Variants in GNB5 observed in about 807,000 individuals in gnomAD.
GNB5 encodes the protein G protein subunit beta 5.
GNB5 carries 37 observed loss-of-function variants against 55.3 expected under a neutral mutation model. That is an observed-to-expected ratio of 0.67 (90% CI 0.51 to 0.88). GNB5 has a LOEUF of 0.88. Among genes scored for constraint, GNB5 ranks in the 40% least tolerant of loss-of-function variants. The pLI is 0.00. For synonymous variants in GNB5, 219 were observed against 198.5 expected, an observed-to-expected ratio of 1.10 and a Z score of -0.87; for missense variants, 476 against 515.3, an observed-to-expected ratio of 0.92 and a Z score of 0.74.
intron 9 of GNB5, chr15:52,128,510 T>C: frequency 1.6e-6 from 1 of 618,280 alleles, no homozygotes; most frequent in South Asian, 1.8e-5. Context: ...CCCCTATAAA[T>C]ATAGTTTCCC....
rs118111567 is a variant in GNB5 at position 52,124,207 on chromosome 15, G to A, written c.1176+266C>T. Reference sequence around the variant, plus strand: ...CTTTTAGGGTCAAAAGGAACTTTCTGGATGATCAAGCCTAACTATTCCCTC... The same window carrying A: ...CTTTTAGGGTCAAAAGGAACTTTCTAGATGATCAAGCCTAACTATTCCCTC... On this transcript the variant is annotated intron_variant, in intron 12 of 12. Transcript: ENST00000261837. Among the ~76,000 whole-genome samples, 313 of 152,224 alleles carry A rather than the reference G, an allele frequency of 2.1e-3. 9 individuals are homozygous for A. The highest frequency in any genetic ancestry group is 0.014 in the East Asian group (75 of 5,176).
Position 52,126,027 on chromosome 15 carries a change from C to T in GNB5, c.930G>A (p.Leu310=), listed in dbSNP as rs761702406. ...SDDATCRLYD[L]RADREVAIYS... Reference sequence around the variant, plus strand: ...AGATGGCAACCTCCCTATCTGCCCGCAGGTCATAGAGGCGACACTGGGGAG... The same window carrying T: ...AGATGGCAACCTCCCTATCTGCCCGTAGGTCATAGAGGCGACACTGGGGAG... Residue 310 remains leucine (L), a synonymous_variant, in exon 11 of 13, where the codon CTG becomes CTA. Coordinates refer to ENST00000261837, the MANE Select transcript of GNB5 (RefSeq NM_016194.4). 6.3e-7 allele frequency: 1 copy of T among 1,575,440 alleles called. No homozygotes were observed. The highest frequency in any genetic ancestry group is 8.7e-7 in the Non-Finnish European group (1 of 1,147,740).
chr15:52,183,840 G>A (rs951446083), intron 2 of GNB5, among the ~76,000 whole-genome samples: 2 of 152,190 alleles, frequency 1.3e-5, no homozygotes, highest in African/African-American at 4.8e-5. Context: ...GATGCTGTGG[G>A]CATTTTTGCT....
chr15:52,173,557 T>C (rs1361569099), intron 3 of GNB5, among the ~76,000 whole-genome samples: 1 of 152,174 alleles, frequency 6.6e-6, no homozygotes, highest in African/African-American at 2.4e-5. Flanking sequence ...AGATGGCCAG[T>C]GTGACTGGCG....
intron 9 of GNB5, chr15:52,128,851 T>C (rs773986013): frequency 1.7e-5 from 7 of 421,608 alleles, no homozygotes; most frequent in Non-Finnish European, 2.9e-5. Context: ...GTGAGAAATA[T>C]GGGCCCTAAA....
chr15:52,171,980 T>TC (rs760061077), intron 3 of GNB5, among the ~76,000 whole-genome samples: 36 of 152,312 alleles, frequency 2.4e-4, no homozygotes, highest in Admixed American at 4.6e-4. Flanking sequence ...GGAGTAAAGC[T>TC]CCCACACAGC....
At chr15:52,183,341 G>GGGT (rs1555409401) in intron 2 of GNB5, among the ~76,000 whole-genome samples, 1 of 151,474 alleles carries the variant, frequency 6.6e-6, no homozygotes, top group African/African-American at 2.4e-5. Context: ...AATGGGGGGG[G>GGGT]GGTAAGGCCC....
chr15:52,154,135 CT>C, intron 3 of GNB5, 59 bp from the exon 4 acceptor site: 2 of 1,549,422 alleles, frequency 1.3e-6, no homozygotes, highest in Admixed American at 3.6e-5. Context: ...GGGCTTTGGG[CT>C]GACACAGCAC....
chr15:52,135,524 T>C, intron 8 of GNB5, 89 bp downstream of exon 8: 1 of 1,167,730 alleles, frequency 8.6e-7, no homozygotes, highest in East Asian at 2.4e-5. Context: ...GGGAAGTGCC[T>C]AGGCTAATCC....
chr15:52,152,306 T>C (rs2034113952), intron 4 of GNB5, among the ~76,000 whole-genome samples: 1 of 151,350 alleles, frequency 6.6e-6, no homozygotes, highest in Non-Finnish European at 1.5e-5. Flanking sequence ...ATCATAAAAA[T>C]AGGATTTATA....
intron 1 of GNB5, among the ~76,000 whole-genome samples, chr15:52,189,988 G>A (rs1008019278): frequency 6.6e-6 from 1 of 152,068 alleles, no homozygotes; most frequent in African/African-American, 2.4e-5. Context: ...TCGGGGTGAT[G>A]AAAATACTCT....
At chr15:52,178,758 T>C (rs1271721854) in intron 3 of GNB5, among the ~76,000 whole-genome samples, 1 of 152,212 alleles carries the variant, frequency 6.6e-6, no homozygotes, top group Non-Finnish European at 1.5e-5. Flanking sequence ...TTAAGTGATC[T>C]TCAGAGATCA....
intron 4 of GNB5, among the ~76,000 whole-genome samples, chr15:52,153,361 A>G (rs1596081184): frequency 6.6e-6 from 1 of 152,034 alleles, no homozygotes; most frequent in South Asian, 2.1e-4. Flanking sequence ...TCTTCACACA[A>G]CCTCACAAAC....
At chr15:52,137,969 G>A in intron 7 of GNB5, 1 of 1,286,674 alleles carries the variant, frequency 7.8e-7, no homozygotes, top group Non-Finnish European at 1.0e-6. Flanking sequence ...GAGGAATCAG[G>A]CCTTATGCAC....
At chr15:52,160,194 C>T (rs1390380261) in intron 3 of GNB5, among the ~76,000 whole-genome samples, 7 of 152,152 alleles carry the variant, frequency 4.6e-5, no homozygotes, top group African/African-American at 9.7e-5. Flanking sequence ...GAGATCCACC[C>T]GCCTCTGCCT....
At chr15:52,141,880 T>C (rs1479187559) in intron 6 of GNB5, among the ~76,000 whole-genome samples, 1 of 152,244 alleles carries the variant, frequency 6.6e-6, no homozygotes, top group African/African-American at 2.4e-5. Flanking sequence ...CAATCTTCCC[T>C]GATTGTCGCC....
chr15:52,142,038 G>A (rs2033868712), intron 6 of GNB5, among the ~76,000 whole-genome samples: 1 of 152,292 alleles, frequency 6.6e-6, no homozygotes, highest in East Asian at 1.9e-4. Context: ...CGCATATGGT[G>A]GATTTGTCAG....
At chr15:52,171,332 T>A (rs1480344435) in intron 3 of GNB5, among the ~76,000 whole-genome samples, 1 of 152,146 alleles carries the variant, frequency 6.6e-6, no homozygotes, top group Non-Finnish European at 1.5e-5. Flanking sequence ...CAGTCCCTAG[T>A]AAGCTTATAA....
rs1460918329 is a variant in GNB5 at position 52,122,696 on chromosome 15, T to C, written c.*61A>G. 3.0e-5 allele frequency: 39 copies of C among 1,316,584 alleles called. No individual in the cohort carries two copies. The Admixed American group carries it at 6.0e-4, about 20-fold the overall frequency. The allele number at this position is 1,316,584 out of a possible 1,614,324, so 81.6% of individuals were successfully genotyped here. A position where few individuals can be genotyped will look rare whatever the true frequency, so the allele number is the denominator to read the frequency against. On this transcript the variant is annotated 3_prime_UTR_variant, in exon 13 of 13. Transcript: ENST00000261837. ...ACTCTAAGCTCCTCTAGAAGTAATA[T>C]CTATTTACATGTGAAGATTTCAAAT...
Sources: gnomAD v4.1 joint callset for allele counts (sites outside exome capture counted in the v4.1 genomes callset) on GRCh38, gnomAD v4.1.1 for gene constraint, MANE v1.5 for transcripts, NCBI Gene and HGNC (gene_info 2026-07-23, HGNC 2026-07-21) for gene names.